MBP: variants seen among roughly 807,000 people sequenced by gnomAD.
The protein encoded by MBP is Golli-MBP.
MBP carries 16 observed loss-of-function variants against 35.8 expected under a neutral mutation model. The observed-to-expected ratio is 0.45, with a 90% CI of 0.30 to 0.68. The LOEUF (loss-of-function observed/expected upper bound fraction) is 0.68, where lower values mean the gene tolerates loss of function less well. Ranked by LOEUF, MBP falls within the 30% of genes least tolerant of loss-of-function variation. The probability of loss-of-function intolerance (pLI) is 0.08; values close to 1 mark genes in which losing one functional copy is unlikely to be tolerated. For missense variants in MBP, 380 were observed against 404.7 expected, an observed-to-expected ratio of 0.94 and a Z score of 0.52; for synonymous variants, 143 against 159.6, an observed-to-expected ratio of 0.90 and a Z score of 0.78.
chr18:77,111,766 C>T (rs1317044033), intron 1 of MBP, among the ~76,000 whole-genome samples: 1 of 152,202 alleles, frequency 6.6e-6, no homozygotes, highest in Non-Finnish European at 1.5e-5. Context: ...AGAAAACAGC[C>T]CCTCACCCCT....
chr18:77,049,804 C>T (rs1057254306), intron 3 of MBP, among the ~76,000 whole-genome samples: 37 of 152,046 alleles, frequency 2.4e-4, no homozygotes, highest in Non-Finnish European at 8.8e-5. Context: ...CTCAGCTTCC[C>T]GAGTAGCTGG....
At chr18:77,108,034 C>G (rs974010056) in intron 1 of MBP, among the ~76,000 whole-genome samples, 1 of 152,290 alleles carries the variant, frequency 6.6e-6, no homozygotes, top group South Asian at 2.1e-4. Flanking sequence ...CCCTGAGCAC[C>G]GGTAAGTGAG....
At chr18:77,043,171 T>C (rs1412926586) in intron 3 of MBP, among the ~76,000 whole-genome samples, 1 of 152,248 alleles carries the variant, frequency 6.6e-6, no homozygotes, top group African/African-American at 2.4e-5. Flanking sequence ...TCTATGCATC[T>C]AGAGGAGGTA....
chr18:77,097,710 C>T (rs1219400614), intron 2 of MBP, among the ~76,000 whole-genome samples: 2 of 152,140 alleles, frequency 1.3e-5, no homozygotes, highest in African/African-American at 4.8e-5. Flanking sequence ...GGATTCATCA[C>T]AGAGGGTGGC....
intron 2 of MBP, chr18:77,087,540 G>C (rs913159915): frequency 2.0e-5 from 3 of 152,314 alleles, no homozygotes; most frequent in Admixed American, 6.5e-5. Flanking sequence ...CTCGCGCGCC[G>C]GGTCGCACTT....
intron 2 of MBP, 67 bp downstream of exon 2, chr18:77,105,144 A>C (rs1976221087): frequency 1.3e-6 from 2 of 1,517,694 alleles, no homozygotes; most frequent in Non-Finnish European, 9.1e-7. Flanking sequence ...AGCCTCTGAC[A>C]CACCAAGGGG....
chr18:77,027,374 C>G (rs929331763), intron 3 of MBP, among the ~76,000 whole-genome samples: 6 of 152,174 alleles, frequency 3.9e-5, no homozygotes, highest in Non-Finnish European at 7.4e-5. Flanking sequence ...TCTGCCTGCA[C>G]ACGCCTGCCC....
At position 76,988,610 on chromosome 18, in the gene MBP, C is replaced by G; in HGVS notation, c.718-83G>C. 2 of 1,552,970 alleles carry G rather than the reference C, an allele frequency of 1.3e-6. No individual in the cohort carries two copies. The highest frequency in any genetic ancestry group is 1.2e-5 in the South Asian group (1 of 80,684). ...CAATCAACAGGAAACACAGTCAAAGCACAGTGGAGCTGAGGTGGTAAAAAC... is the reference window on the plus strand; with the variant it reads ...CAATCAACAGGAAACACAGTCAAAGGACAGTGGAGCTGAGGTGGTAAAAAC... On this transcript the variant is annotated intron_variant, in intron 6 of 8. Coordinates refer to ENST00000355994, the MANE Select transcript of MBP (RefSeq NM_001025101.2). The surrounding 1 kb of genome is among the most constrained non-coding windows in gnomAD (Gnocchi z 5.2).
chr18:77,077,186 C>A (rs1182397851), intron 2 of MBP, among the ~76,000 whole-genome samples: 2 of 151,652 alleles, frequency 1.3e-5, no homozygotes, highest in Non-Finnish European at 2.9e-5. Context: ...CATGGTGAAA[C>A]CCTGTCACTA....
intron 3 of MBP, among the ~76,000 whole-genome samples, chr18:77,031,830 C>G (rs73484996): frequency 0.016 from 2,490 of 152,304 alleles, 67 homozygotes; most frequent in African/African-American, 0.056. Flanking sequence ...CAGAGTGGGC[C>G]GCAGGTGACC....
intron 2 of MBP, among the ~76,000 whole-genome samples, chr18:77,094,854 C>T (rs1387670014): frequency 6.6e-6 from 1 of 152,208 alleles, no homozygotes; most frequent in East Asian, 1.9e-4. Context: ...ATTAAAAACA[C>T]AGTTGTTCAG....
intron 3 of MBP, among the ~76,000 whole-genome samples, chr18:77,035,204 C>T (rs1355744312): frequency 6.6e-6 from 1 of 152,198 alleles, no homozygotes; most frequent in African/African-American, 2.4e-5. Context: ...CGTACTCATA[C>T]TCATTCTAAG....
At chr18:76,999,085 C>G (rs1339372609) in intron 4 of MBP, among the ~76,000 whole-genome samples, 1 of 151,686 alleles carries the variant, frequency 6.6e-6, no homozygotes, top group Non-Finnish European at 1.5e-5. Flanking sequence ...TCTGTCACAC[C>G]TTATGATAAA....
At chr18:77,077,029 C>A (rs926007762) in intron 2 of MBP, among the ~76,000 whole-genome samples, 1 of 152,072 alleles carries the variant, frequency 6.6e-6, no homozygotes, top group African/African-American at 2.4e-5. Context: ...TTATAAAGTG[C>A]CTGGCACAGA....
Position 77,016,990 on chromosome 18 carries a change from G to T in MBP, c.418C>A (p.Pro140Thr). The change falls in exon 4 of 9, where the codon CCC (proline) becomes ACC (threonine). Residue 140 changes from proline to threonine, a missense_variant. By Grantham distance (38) the Pro-to-Thr change is conservative. Coordinates refer to ENST00000355994, the MANE Select transcript of MBP (RefSeq NM_001025101.2). ...SLDVMASQKR[P>T]SQRHGSKYLA... ...TACTTGGATCCGTGCCTCTGGGAGG[G>T]TCTCTTCTGTGACGCCATCACATCC... 1 of 1,614,108 alleles carries T rather than the reference G, an allele frequency of 6.2e-7. No individual in the cohort carries two copies. Among genetic ancestry groups the T allele is most frequent in the Admixed American group, 1.7e-5 (1 of 60,018 alleles).
At chr18:77,025,159 T>C (rs574437431) in intron 3 of MBP, among the ~76,000 whole-genome samples, 1 of 152,310 alleles carries the variant, frequency 6.6e-6, no homozygotes, top group African/African-American at 2.4e-5. Flanking sequence ...CCTCCGTATG[T>C]TCTAGAAACG....
At chr18:76,999,478 GAC>G in intron 4 of MBP, among the ~76,000 whole-genome samples, 1 of 144,832 alleles carries the variant, frequency 6.9e-6, no homozygotes, top group East Asian at 2.0e-4. Context: ...TTTTTTTTGA[GAC>G]AGTCTCACTC....
Position 77,037,555 on chromosome 18 carries a change from G to A in MBP, c.140-20287C>T, listed in dbSNP as rs150194334. Among the ~76,000 whole-genome samples, 119 of 152,354 alleles carry A rather than the reference G, an allele frequency of 7.8e-4. 2 individuals are homozygous for A. In the South Asian group the frequency reaches 0.017, roughly 22 times the overall value. ...GCAGGATCTGGGGGATGATTCCGGAGGGCTGTCCAGGGAAGGTGGCAGAAA... is the reference window on the plus strand; with the variant it reads ...GCAGGATCTGGGGGATGATTCCGGAAGGCTGTCCAGGGAAGGTGGCAGAAA... On this transcript the variant is annotated intron_variant, in intron 3 of 8. Transcript: ENST00000355994.
chr18:77,086,740 C>A (rs926273173), intron 2 of MBP, among the ~76,000 whole-genome samples: 4 of 152,184 alleles, frequency 2.6e-5, no homozygotes, highest in Admixed American at 6.5e-5. Context: ...CCATAAAAAA[C>A]CGATTTTCTT....
Sources: gnomAD v4.1 joint callset for allele counts (sites outside exome capture counted in the v4.1 genomes callset) on GRCh38, gnomAD v4.1.1 for gene constraint, Gnocchi (gnomAD v3.1) non-coding constraint, MANE v1.5 for transcripts, NCBI Gene and HGNC (gene_info 2026-07-23, HGNC 2026-07-21) for gene names.